The following ZFHX3 variants were observed in gnomAD, a reference collection of about 807,000 sequenced individuals.
The protein encoded by ZFHX3 is zinc finger homeobox 3, also known as zinc finger homeobox protein 3.
In ZFHX3, 42 loss-of-function variants were observed where a neutral mutation model predicts 279.1. That is an observed-to-expected ratio of 0.15 (90% CI 0.12 to 0.19). ZFHX3 has a LOEUF of 0.19. ZFHX3 is among the 10% of genes least tolerant of loss of function. The pLI is 1.00. For missense variants in ZFHX3, 4,981 were observed against 4,754.0 expected, an observed-to-expected ratio of 1.05 and a Z score of -1.40; for synonymous variants, 2,293 against 1,957.8, an observed-to-expected ratio of 1.17 and a Z score of -4.52.
At chr16:72,851,210 T>C (rs1365327949) in intron 4 of ZFHX3, among the ~76,000 whole-genome samples, 4 of 151,950 alleles carry the variant, frequency 2.6e-5, no homozygotes, top group Non-Finnish European at 5.9e-5. Flanking sequence ...TGTTACACTC[T>C]CAGGGTGGGG....
chr16:73,838,697 G>A (rs1961210697), intron 1 of ZFHX3, among the ~76,000 whole-genome samples: 3 of 152,240 alleles, frequency 2.0e-5, no homozygotes, highest in South Asian at 2.1e-4. Context: ...AGAAGGATAT[G>A]TGATTTAGTG....
At chr16:73,247,159 G>A (rs772225520) in intron 5 of ZFHX3, among the ~76,000 whole-genome samples, 36 of 150,862 alleles carry the variant, frequency 2.4e-4, no homozygotes, top group Non-Finnish European at 4.9e-4. Flanking sequence ...TATATAATGT[G>A]TCTGTGTGTC....
intron 3 of ZFHX3, among the ~76,000 whole-genome samples, chr16:73,437,925 G>A (rs1300073132): frequency 1.3e-5 from 2 of 152,112 alleles, no homozygotes. Context: ...TTATCATCAT[G>A]CTACTTTCTG....
chr16:73,032,746 C>T (rs1238140792), intron 1 of ZFHX3, among the ~76,000 whole-genome samples: 1 of 152,080 alleles, frequency 6.6e-6, no homozygotes. Context: ...TTCTTTTCCT[C>T]CTCCTCCCCC....
intron 3 of ZFHX3, among the ~76,000 whole-genome samples, chr16:72,935,212 A>T (rs1597391929): frequency 6.6e-6 from 1 of 152,208 alleles, no homozygotes; most frequent in African/African-American, 2.4e-5. Context: ...TGTGGCTTGT[A>T]CATGGGACAG....
chr16:73,155,412 G>A (rs1270425893), intron 5 of ZFHX3, among the ~76,000 whole-genome samples: 1 of 152,216 alleles, frequency 6.6e-6, no homozygotes, highest in Admixed American at 6.5e-5. Context: ...GAAACAGAGT[G>A]GAAATTCAGC....
chr16:72,829,591 TAAA>T, intron 5 of ZFHX3, 185 bp downstream of exon 5: 2 of 613,440 alleles, frequency 3.3e-6, no homozygotes, highest in Non-Finnish European at 5.7e-6. Flanking sequence ...TGTAGTATAA[TAAA>T]GAAGAATAAA....
upstream of ZFHX3, among the ~76,000 whole-genome samples, chr16:73,052,350 T>TA (rs1299502236): frequency 6.0e-5 from 9 of 151,180 alleles, no homozygotes; most frequent in African/African-American, 2.2e-4. Context: ...TTTTTTTTTT[T>TA]AATGAAGAAT....
chr16:73,628,251 C>T (rs2052436852), intron 2 of ZFHX3, among the ~76,000 whole-genome samples: 2 of 152,152 alleles, frequency 1.3e-5, no homozygotes, highest in African/African-American at 4.8e-5. Context: ...CTAGGTGACC[C>T]TAATTTTCCC....
chr16:72,967,606 C>A (rs529717859), intron 1 of ZFHX3, among the ~76,000 whole-genome samples: 2 of 152,178 alleles, frequency 1.3e-5, no homozygotes, highest in Non-Finnish European at 2.9e-5. Context: ...TCAATGGGTA[C>A]CCAAACTAAT....
chr16:73,365,308 C>T (rs959460175), intron 3 of ZFHX3, among the ~76,000 whole-genome samples: 8 of 152,198 alleles, frequency 5.3e-5, no homozygotes, highest in Non-Finnish European at 8.8e-5. Context: ...GGGATGCAGA[C>T]GAGAGCTGGT....
chr16:73,839,092 G>A (rs913491243), intron 1 of ZFHX3, among the ~76,000 whole-genome samples: 1 of 151,874 alleles, frequency 6.6e-6, no homozygotes, highest in Admixed American at 6.6e-5. Context: ...CCCTTACAGA[G>A]CTAGCTTATG....
chr16:72,961,782 A>T (rs1812124551), intron 1 of ZFHX3, among the ~76,000 whole-genome samples: 1 of 152,224 alleles, frequency 6.6e-6, no homozygotes, highest in African/African-American at 2.4e-5. Context: ...ACACATGCAA[A>T]CACATACCCC....
At chr16:72,886,326 C>A (rs1020283699) in intron 4 of ZFHX3, among the ~76,000 whole-genome samples, 2 of 151,332 alleles carry the variant, frequency 1.3e-5, no homozygotes, top group Non-Finnish European at 2.9e-5. Flanking sequence ...AAAGCCAATC[C>A]CAAAGCATCT....
At chr16:73,230,563 C>T (rs1050420635) in intron 5 of ZFHX3, among the ~76,000 whole-genome samples, 1 of 152,198 alleles carries the variant, frequency 6.6e-6, no homozygotes, top group Admixed American at 6.5e-5. Flanking sequence ...CACTGGGCAG[C>T]CTTTATGCAT....
chr16:73,149,425 C>T (rs1430168596), intron 5 of ZFHX3, among the ~76,000 whole-genome samples: 1 of 151,936 alleles, frequency 6.6e-6, no homozygotes, highest in Non-Finnish European at 1.5e-5. Flanking sequence ...TCTAAATATC[C>T]CTAATGACAT....
intron 5 of ZFHX3, among the ~76,000 whole-genome samples, chr16:72,827,794 T>C (rs2036970077): frequency 6.6e-6 from 1 of 152,146 alleles, no homozygotes; most frequent in Non-Finnish European, 1.5e-5. Context: ...TTCTGGAGTT[T>C]AGGCTTCTGG....
At chr16:72,878,953 AG>A (rs879257009) in intron 4 of ZFHX3, among the ~76,000 whole-genome samples, 1 of 152,210 alleles carries the variant, frequency 6.6e-6, no homozygotes, top group Non-Finnish European at 1.5e-5. Flanking sequence ...CAAGATTGCC[AG>A]GAAGGGTCCG....
chr16:73,152,858 G>A (rs1657433919), intron 5 of ZFHX3, among the ~76,000 whole-genome samples: 1 of 151,860 alleles, frequency 6.6e-6, no homozygotes, highest in Non-Finnish European at 1.5e-5. Flanking sequence ...AGAAGAGAGG[G>A]CCAGCTGAGC....
Sources: allele counts gnomAD v4.1 joint callset (sites outside exome capture counted in the v4.1 genomes callset), GRCh38; gene constraint gnomAD v4.1.1; transcripts MANE v1.5; gene names NCBI Gene and HGNC (gene_info 2026-07-23, HGNC 2026-07-21).